The following CHST3 variants were observed in gnomAD, a reference collection of about 807,000 sequenced individuals.
The protein encoded by CHST3 is C6ST-1.
Under a neutral mutation model 35.4 loss-of-function variants are expected in CHST3, and 20 were observed. The observed-to-expected ratio is 0.57, with a 90% CI of 0.40 to 0.82. CHST3 has a LOEUF of 0.82. Ranked by LOEUF, CHST3 falls within the 40% of genes least tolerant of loss-of-function variation. The pLI, the probability that CHST3 is intolerant of heterozygous loss-of-function variation, is 0.00. For missense variants in CHST3, 693 were observed against 670.1 expected (o/e 1.03, Z -0.38); for synonymous variants, 334 against 295.9 (o/e 1.13, Z -1.32).
At chr10:71,985,257 G>C (rs573246953) in intron 1 of CHST3, among the ~76,000 whole-genome samples, 11 of 152,344 alleles carry the variant, frequency 7.2e-5, no homozygotes, top group Non-Finnish European at 1.6e-4. Flanking sequence ...ACCAAGCCTT[G>C]CATGGTCTCA....
At chr10:71,994,747 A>G (rs1056248713) in intron 1 of CHST3, among the ~76,000 whole-genome samples, 4 of 152,260 alleles carry the variant, frequency 2.6e-5, no homozygotes, top group African/African-American at 9.6e-5. Flanking sequence ...TGTTTGGTCT[A>G]CATCGAAAAC....
chr10:72,008,307 G>T lies in CHST3; in HGVS notation c.1276G>T (p.Glu426Ter). The T allele has an allele frequency of 6.3e-7, 1 of 1,582,894 alleles. No individual in the cohort carries two copies. Among genetic ancestry groups the T allele is most frequent in the Non-Finnish European group, 8.6e-7 (1 of 1,165,068 alleles). Residue 426 changes from glutamate (E) to a stop codon, truncating the protein, a stop_gained, in exon 3 of 3, where the codon GAG becomes TAG. Coordinates refer to ENST00000373115, the MANE Select transcript of CHST3 (RefSeq NM_004273.5). LOFTEE classifies it high-confidence loss of function. ...GCAGAAGAACTCCTCGGAGCAGTTCGAGAAGTGGCGCTTCAGCATGCCCTT... is the reference window on the plus strand; with the variant it reads ...GCAGAAGAACTCCTCGGAGCAGTTCTAGAAGTGGCGCTTCAGCATGCCCTT... ...STQKNSSEQF[E>*]KWRFSMPFKL... is the part of the protein sequence containing the mutation.
intron 1 of CHST3, among the ~76,000 whole-genome samples, chr10:71,971,697 G>A (rs1187142934): frequency 6.6e-6 from 1 of 152,214 alleles, no homozygotes; most frequent in African/African-American, 2.4e-5. Context: ...CCCGCACTGT[G>A]ACTACACTGA....
At chr10:71,979,452 G>A (rs2131744259) in intron 1 of CHST3, among the ~76,000 whole-genome samples, 1 of 152,190 alleles carries the variant, frequency 6.6e-6, no homozygotes, top group Middle Eastern at 3.4e-3. Flanking sequence ...GATTGGTTAT[G>A]GCTGTGGGGG....
intron 1 of CHST3, among the ~76,000 whole-genome samples, chr10:71,978,378 A>C (rs1320697075): frequency 5.9e-5 from 9 of 151,818 alleles, no homozygotes; most frequent in Non-Finnish European, 1.3e-4. Flanking sequence ...AAAAAAAAAA[A>C]AACAAAGTGG....
chr10:71,986,353 C>G (rs1839846853), intron 1 of CHST3, among the ~76,000 whole-genome samples: 1 of 152,170 alleles, frequency 6.6e-6, no homozygotes. Context: ...GGCACCCAGG[C>G]CTCAGTGATT....
In CHST3 at chr10:72,007,704, A is replaced by C. The variant is rs1298815787; in HGVS notation, c.673A>C (p.Ser225Arg). 1 of 1,607,084 alleles carries C rather than the reference A, an allele frequency of 6.2e-7. No homozygotes were observed. The highest frequency in any genetic ancestry group is 2.2e-5 in the East Asian group (1 of 44,840). The change falls in exon 3 of 3, where the codon AGC (serine) becomes CGC (arginine). Residue 225 changes from serine to arginine, a missense_variant. Transcript: ENST00000373115. ...TCAGTTCATGTTCCGCCGGGGCTCC[A>C]GCCGCTCCCTGTGCGAGGACCCCGT... ...LTQFMFRRGSSRSLCEDPVCT... is the reference protein window; with the variant it reads ...LTQFMFRRGSRRSLCEDPVCT...
chr10:72,005,616 G>C (rs1261353972), intron 1 of CHST3, 120 bp from the exon 2 acceptor site: 2 of 592,550 alleles, frequency 3.4e-6, no homozygotes, highest in Admixed American at 5.8e-5. Context: ...TCTGTCTGGA[G>C]AGTGGGTCTG....
rs760437804 is a variant in CHST3 at position 72,008,205 on chromosome 10, C to A, written c.1174C>A (p.Pro392Thr). 7.7e-6 allele frequency: 12 copies of A among 1,552,142 alleles called. No homozygotes were observed. The African/African-American group carries it at 1.4e-4, about 18-fold the overall frequency. Residue 392 changes from proline (P) to threonine (T), a missense_variant, in exon 3 of 3, where the codon CCC becomes ACC. Transcript: ENST00000373115. ...CGAGATGTACCGCTTCGCCGGCATC[C>A]CCCTGACCCCGCAGGTGGAAGACTG... ...AREMYRFAGI[P>T]LTPQVEDWIQ...
Position 72,011,675 on chromosome 10 carries a change from A to G in CHST3, c.*3204A>G, listed in dbSNP as rs1316079630. The G allele has an allele frequency of 6.6e-6, 1 of 152,230 alleles. No individual in the cohort carries two copies. Among genetic ancestry groups the G allele is most frequent in the Non-Finnish European group, 1.5e-5 (1 of 68,048 alleles). The allele number at this position is 152,230 out of a possible 1,614,324, so 9.4% of individuals were successfully genotyped here. ...CCTAGCACAAGGGGACCATTCAGCA[A>G]TGAGTGTTTACTCATGTTCTTTCTT... On this transcript the variant is annotated 3_prime_UTR_variant, in exon 3 of 3. Transcript: ENST00000373115.
chr10:71,980,329 G>A (rs1839787579), intron 1 of CHST3, among the ~76,000 whole-genome samples: 1 of 152,120 alleles, frequency 6.6e-6, no homozygotes, highest in Non-Finnish European at 1.5e-5. Context: ...TGCAGTGTTT[G>A]CAGCGTTGTA....
rs1015603764 is a variant in CHST3 at position 71,964,672 on chromosome 10, C to T, written c.-130C>T. ...CCCCAGCCGCGGAGGGTCGGGGCCG[C>T]CGGTGGAGTCTCGGCGGCCGGGGTA... is the stretch of plus-strand genomic sequence containing the variant. On this transcript the variant is annotated 5_prime_UTR_variant, in exon 1 of 3. Coordinates refer to ENST00000373115, the MANE Select transcript of CHST3 (RefSeq NM_004273.5). 6.6e-6 allele frequency: 1 copy of T among 151,960 alleles called. No individual in the cohort carries two copies. The highest frequency in any genetic ancestry group is 1.5e-5 in the Non-Finnish European group (1 of 67,952). The allele number at this position is 151,960 out of a possible 1,614,324, so 9.4% of individuals were successfully genotyped here.
At chr10:71,974,303 A>G (rs1052352538) in intron 1 of CHST3, among the ~76,000 whole-genome samples, 2 of 152,206 alleles carry the variant, frequency 1.3e-5, no homozygotes, top group African/African-American at 4.8e-5. Flanking sequence ...CAACCCGGCA[A>G]GGTTGTTAGC....
chr10:71,979,609 C>T (rs779608537), intron 1 of CHST3, among the ~76,000 whole-genome samples: 11 of 152,244 alleles, frequency 7.2e-5, no homozygotes, highest in Admixed American at 3.9e-4. Context: ...CTTCCGGTAC[C>T]GCCTTCCCTT....
intron 1 of CHST3, among the ~76,000 whole-genome samples, chr10:71,971,172 G>C (rs1202873354): frequency 6.6e-6 from 1 of 152,176 alleles, no homozygotes; most frequent in Non-Finnish European, 1.5e-5. Flanking sequence ...GGCCCTTCTC[G>C]TTCTCTGTGG....
intron 1 of CHST3, among the ~76,000 whole-genome samples, chr10:71,968,032 G>A (rs1052556621): frequency 6.7e-6 from 1 of 148,624 alleles, no homozygotes; most frequent in Non-Finnish European, 1.5e-5. Flanking sequence ...TGGCCAGAAT[G>A]GTCTCGATCT....
At chr10:71,978,439 T>C (rs1349360761) in intron 1 of CHST3, among the ~76,000 whole-genome samples, 1 of 151,648 alleles carries the variant, frequency 6.6e-6, no homozygotes, top group Non-Finnish European at 1.5e-5. Flanking sequence ...ACCAGATTCC[T>C]AACCCCGTGC....
Position 72,007,707 on chromosome 10 carries a change from C to G in CHST3, c.676C>G (p.Arg226Gly). ...TQFMFRRGSS[R>G]SLCEDPVCTP... is the part of the protein sequence containing the mutation. The stretch of plus-strand genomic sequence containing the variant: ...GTTCATGTTCCGCCGGGGCTCCAGC[C>G]GCTCCCTGTGCGAGGACCCCGTCTG... Residue 226 changes from arginine (R) to glycine (G), a missense_variant, in exon 3 of 3, where the codon CGC becomes GGC. Arg to Gly is a moderately radical substitution (Grantham distance 125). Coordinates refer to ENST00000373115, the MANE Select transcript of CHST3 (RefSeq NM_004273.5). The G allele has an allele frequency of 6.2e-7, 1 of 1,606,820 alleles. No homozygotes were observed. The highest frequency in any genetic ancestry group is 8.5e-7 in the Non-Finnish European group (1 of 1,179,676).
rs781292981 is a variant in CHST3, at chr10:72,012,980, G to A, written c.*4509G>A. 7 of 152,346 alleles carry A rather than the reference G, an allele frequency of 4.6e-5. No individual in the cohort carries two copies. The highest frequency in any genetic ancestry group is 5.9e-5 in the Non-Finnish European group (4 of 68,050). 9.4% of individuals were successfully genotyped at this position (152,346 alleles called of 1,614,324 possible). A position where few individuals can be genotyped will look rare whatever the true frequency, so the allele number is the denominator to read the frequency against. ...ACTGGACTGGGGACAAATTTGTTAC[G>A]TGTTTCCAAGGCTACAGACATGGCG... On this transcript the variant is annotated 3_prime_UTR_variant, in exon 3 of 3. Coordinates refer to ENST00000373115, the MANE Select transcript of CHST3 (RefSeq NM_004273.5).
Sources: allele counts gnomAD v4.1 joint callset (sites outside exome capture counted in the v4.1 genomes callset), GRCh38; gene constraint gnomAD v4.1.1; transcripts MANE v1.5; gene names NCBI Gene and HGNC (gene_info 2026-07-23, HGNC 2026-07-21).